The following PDE1C variants were observed in gnomAD, a reference collection of about 807,000 sequenced individuals.
PDE1C encodes dual specificity calcium/calmodulin-dependent 3',5'-cyclic nucleotide phosphodiesterase 1C.
In PDE1C, 62 loss-of-function variants were observed where a neutral mutation model predicts 93.1. The observed-to-expected ratio is 0.67, with a 90% CI of 0.54 to 0.82. The LOEUF is 0.82. Ranked by LOEUF, PDE1C falls within the 40% of genes least tolerant of loss-of-function variation. The pLI, the probability that PDE1C is intolerant of heterozygous loss-of-function variation, is 0.00. For missense variants in PDE1C, 742 were observed against 884.6 expected (o/e 0.84, Z 2.04); for synonymous variants, 325 against 310.1 (o/e 1.05, Z -0.50).
At chr7:32,421,589 C>T (rs1243014584) in intron 1 of PDE1C, among the ~76,000 whole-genome samples, 3 of 152,168 alleles carry the variant, frequency 2.0e-5, no homozygotes, top group Non-Finnish European at 2.9e-5. Flanking sequence ...AGCCAATGAT[C>T]GAGATTCCAG....
chr7:31,677,300 T>C, the PDE1C span, among the ~76,000 whole-genome samples: 454 of 152,308 alleles, frequency 3.0e-3, 1 homozygote, highest in Middle Eastern at 6.8e-3. Flanking sequence ...TTTCCAAATT[T>C]ATTTTGTGAA....
At chr7:32,227,640 C>T (rs1026065691) in intron 1 of PDE1C, among the ~76,000 whole-genome samples, 5 of 152,134 alleles carry the variant, frequency 3.3e-5, no homozygotes, top group African/African-American at 4.8e-5. Flanking sequence ...CCCAATAAGC[C>T]GCCTGCTAGA....
rs573766255 is a variant in PDE1C, at chr7:32,103,293, T to C, written c.308+66492A>G. ...TGCTATAATCTAAATGCCTATACTC[T>C]GCTAAATAAGAGTTTGTTGATTCTC... On this transcript the variant is annotated intron_variant, in intron 3 of 18. Coordinates refer to the PDE1C transcript ENST00000396193. Among the ~76,000 whole-genome samples the C allele has an allele frequency of 2.0e-5, 3 of 152,232 alleles. No homozygotes were observed. In the South Asian group the frequency reaches 6.2e-4, roughly 32 times the overall value.
At chr7:31,642,616 T>C in the PDE1C span, 1 of 1,421,388 alleles carries the variant, frequency 7.0e-7, no homozygotes, top group Middle Eastern at 1.9e-4. Context: ...GAAGAAAATC[T>C]CACCTTAAAC....
At chr7:31,848,905 T>C (rs1043642904) in intron 8 of PDE1C, among the ~76,000 whole-genome samples, 3 of 152,220 alleles carry the variant, frequency 2.0e-5, no homozygotes, top group African/African-American at 7.2e-5. Context: ...GTATCTATCA[T>C]ACCTTGAAAC....
chr7:31,962,777 A>G (rs1809206338), intron 2 of PDE1C, among the ~76,000 whole-genome samples: 1 of 152,176 alleles, frequency 6.6e-6, no homozygotes, highest in Admixed American at 6.5e-5. Context: ...TGCACATTAG[A>G]GTTTGACATC....
the PDE1C span, among the ~76,000 whole-genome samples, chr7:31,638,631 T>TGTCTTCTTA: frequency 6.6e-6 from 1 of 152,254 alleles, no homozygotes; most frequent in Non-Finnish European, 1.5e-5. Context: ...GTTACTCAAC[T>TGTCTTCTTA]GTCTTCTTAC....
At chr7:31,721,028 T>A in the PDE1C span, among the ~76,000 whole-genome samples, 1 of 152,192 alleles carries the variant, frequency 6.6e-6, no homozygotes, top group South Asian at 2.1e-4. Flanking sequence ...GTGGCATGAT[T>A]GTATGTGTGT....
At chr7:32,027,580 A>AG (rs1789611307) in intron 2 of PDE1C, among the ~76,000 whole-genome samples, 2 of 61,650 alleles carry the variant, frequency 3.2e-5, no homozygotes, top group South Asian at 1.5e-3. Flanking sequence ...TTGCAAAGGC[A>AG]GAAAAAAAAA....
chr7:32,066,612 G>A lies in PDE1C; in HGVS notation c.101+3681C>T, dbSNP rs193043700. Reference sequence around the variant, plus strand: ...CTGGCAATAGAAAAACTTTTTGGTCGGGACCCAAGGTACAGTCATAACCCA... The same window carrying A: ...CTGGCAATAGAAAAACTTTTTGGTCAGGACCCAAGGTACAGTCATAACCCA... On this transcript the variant is annotated intron_variant, in intron 1 of 17. Coordinates refer to ENST00000396191, the MANE Select transcript of PDE1C (RefSeq NM_001191057.4). Among the ~76,000 whole-genome samples the A allele has an allele frequency of 9.9e-5, 15 of 152,104 alleles. No homozygotes were observed. In the East Asian group the frequency reaches 1.9e-3, roughly 20 times the overall value.
chr7:31,923,779 C>A (rs982716048), intron 2 of PDE1C, among the ~76,000 whole-genome samples: 2 of 151,898 alleles, frequency 1.3e-5, no homozygotes, highest in African/African-American at 4.8e-5. Context: ...TTTGAGACCA[C>A]CCTGGGCAAC....
intron 2 of PDE1C, among the ~76,000 whole-genome samples, chr7:31,968,530 C>A (rs62456056): frequency 0.018 from 2,684 of 152,076 alleles, 76 homozygotes; most frequent in African/African-American, 0.061. Context: ...AATGGCCATA[C>A]TGCCCAAGGT....
At chr7:32,400,415 A>G (rs1784919381) in intron 1 of PDE1C, among the ~76,000 whole-genome samples, 1 of 151,080 alleles carries the variant, frequency 6.6e-6, no homozygotes, top group Non-Finnish European at 1.5e-5. Context: ...TGTTCTATGC[A>G]AAAAAAAGAA....
At chr7:32,072,262 A>C (rs1348817979), upstream of PDE1C, among the ~76,000 whole-genome samples, 1 of 152,202 alleles carries the variant, frequency 6.6e-6, no homozygotes, top group Non-Finnish European at 1.5e-5. Context: ...TGTTTGATGA[A>C]AAACGACTTA....
chr7:31,790,144 G>A, intron 16 of PDE1C: 1 of 1,596,000 alleles, frequency 6.3e-7, no homozygotes, highest in South Asian at 1.1e-5. Flanking sequence ...ACCTTCTCCA[G>A]ATATGGGTCT....
At chr7:32,143,188 G>C (rs1473064315) in intron 3 of PDE1C, among the ~76,000 whole-genome samples, 3 of 151,910 alleles carry the variant, frequency 2.0e-5, no homozygotes, top group Non-Finnish European at 4.4e-5. Context: ...GTCTGTGAAA[G>C]AAAGTTCAGG....
intron 3 of PDE1C, among the ~76,000 whole-genome samples, chr7:32,161,779 C>A (rs60582977): frequency 0.072 from 11,005 of 152,098 alleles, 615 homozygotes; most frequent in East Asian, 0.32. Flanking sequence ...CTCCTCCTCC[C>A]AACCCAACAG....
chr7:32,012,692 G>A (rs779704403), intron 2 of PDE1C, among the ~76,000 whole-genome samples: 70 of 152,110 alleles, frequency 4.6e-4, no homozygotes, highest in Non-Finnish European at 6.8e-4. Context: ...TGAATATAGT[G>A]ATTGCTTTGG....
chr7:31,868,144 C>T (rs913184764), intron 6 of PDE1C, among the ~76,000 whole-genome samples: 10 of 152,166 alleles, frequency 6.6e-5, no homozygotes, highest in African/African-American at 2.4e-4. Context: ...ATTTATAAAG[C>T]AAGGAAATAT....
Sources: allele counts gnomAD v4.1 joint callset (sites outside exome capture counted in the v4.1 genomes callset), GRCh38; gene constraint gnomAD v4.1.1; transcripts MANE v1.5; gene names NCBI Gene and HGNC (gene_info 2026-07-23, HGNC 2026-07-21).